IL10RB: variants seen among roughly 807,000 people sequenced by gnomAD.
IL10RB encodes the protein interleukin-10 receptor subunit beta.
In IL10RB, 30 loss-of-function variants were observed where a neutral mutation model predicts 38.7. The observed-to-expected ratio is 0.78, with a 90% CI of 0.58 to 1.05. The LOEUF is 1.05. IL10RB is among the 50% of genes least tolerant of loss of function. The pLI, the probability that IL10RB is intolerant of heterozygous loss-of-function variation, is 0.00. For synonymous variants in IL10RB, 142 were observed against 145.9 expected (o/e 0.97, Z 0.19); for missense variants, 328 against 397.1 (o/e 0.83, Z 1.48).
At chr21:33,295,013 A>T (rs1314258717) in intron 6 of IL10RB, among the ~76,000 whole-genome samples, 1 of 152,244 alleles carries the variant, frequency 6.6e-6, no homozygotes, top group Non-Finnish European at 1.5e-5. Context: ...GCTCTGTCTG[A>T]TAGAGCATAT....
chr21:33,279,225 A>G (rs1308452604), intron 3 of IL10RB, among the ~76,000 whole-genome samples: 2 of 152,222 alleles, frequency 1.3e-5, no homozygotes, highest in Non-Finnish European at 2.9e-5. Flanking sequence ...TATGAAGTGA[A>G]GGAGCCAGCC....
At position 33,296,649 on chromosome 21, in the gene IL10RB, T is replaced by G; in HGVS notation, c.*292T>G. The stretch of plus-strand genomic sequence containing the variant: ...TTATATCACTAAAATAAGATCATGT[T>G]TTAATTGTGAGAAACAGGGCCGAGC... On this transcript the variant is annotated 3_prime_UTR_variant, in exon 7 of 7. Transcript: ENST00000290200. 1 of 523,520 alleles carries G rather than the reference T, an allele frequency of 1.9e-6. No homozygotes were observed. Among genetic ancestry groups the G allele is most frequent in the Non-Finnish European group, 3.7e-6 (1 of 273,782 alleles). 32.4% of individuals were successfully genotyped at this position (523,520 alleles called of 1,614,324 possible). A position where few individuals can be genotyped will look rare whatever the true frequency, so the allele number is the denominator to read the frequency against.
intron 6 of IL10RB, among the ~76,000 whole-genome samples, chr21:33,292,677 A>G (rs955352074): frequency 6.6e-6 from 1 of 152,204 alleles, no homozygotes; most frequent in African/African-American, 2.4e-5. Flanking sequence ...TATCTGCTGC[A>G]GATGGCCCCG....
intron 1 of IL10RB, among the ~76,000 whole-genome samples, chr21:33,267,420 T>C (rs1384008191): frequency 6.6e-6 from 1 of 152,066 alleles, no homozygotes; most frequent in Non-Finnish European, 1.5e-5. Flanking sequence ...TGGTTTATTA[T>C]AGTCTTCTAC....
At chr21:33,270,411 C>T (rs1469629621) in intron 2 of IL10RB, among the ~76,000 whole-genome samples, 1 of 150,032 alleles carries the variant, frequency 6.7e-6, no homozygotes, top group African/African-American at 2.5e-5. Context: ...GACGGAGTCT[C>T]GCTCTGTTGC....
chr21:33,267,482 G>GTT (rs368499766), intron 1 of IL10RB, among the ~76,000 whole-genome samples: 11 of 124,672 alleles, frequency 8.8e-5, no homozygotes, highest in African/African-American at 2.8e-4. Context: ...TTCTTCTTCC[G>GTT]TTTTTTTTTT....
In IL10RB at chr21:33,296,610, T is replaced by G. The variant is rs528482502; in HGVS notation, c.*253T>G. The G allele has an allele frequency of 1.6e-5, 10 of 632,510 alleles. No homozygotes were observed. The highest frequency in any genetic ancestry group is 1.4e-4 in the South Asian group (9 of 66,062). 39.2% of individuals were successfully genotyped at this position (632,510 alleles called of 1,614,324 possible). A position where few individuals can be genotyped will look rare whatever the true frequency, so the allele number is the denominator to read the frequency against. On this transcript the variant is annotated 3_prime_UTR_variant, in exon 7 of 7. Transcript: ENST00000290200. Reference sequence around the variant, plus strand: ...TTTCAGAAGTTGGCCACTGAGAGTGTAATTTTCAGCCTTTTATATCACTAA... The same window carrying G: ...TTTCAGAAGTTGGCCACTGAGAGTGGAATTTTCAGCCTTTTATATCACTAA...
chr21:33,280,686 G>A (rs186309756), intron 4 of IL10RB, among the ~76,000 whole-genome samples: 1 of 152,122 alleles, frequency 6.6e-6, no homozygotes, highest in Non-Finnish European at 1.5e-5. Flanking sequence ...GCCATTCATG[G>A]TCCTAAACTG....
chr21:33,287,232 A>C (rs902160782), intron 5 of IL10RB, among the ~76,000 whole-genome samples: 4 of 152,224 alleles, frequency 2.6e-5, no homozygotes, highest in African/African-American at 9.6e-5. Flanking sequence ...GGGAAGAACA[A>C]ATGGTAAGTT....
chr21:33,302,222 A>G (rs1016307812), intron 1 of IL10RB, among the ~76,000 whole-genome samples: 1 of 152,216 alleles, frequency 6.6e-6, no homozygotes, highest in Non-Finnish European at 1.5e-5. Flanking sequence ...TAAAAACAAG[A>G]GGCTGGAGCT....
intron 6 of IL10RB, 88 bp downstream of exon 6, chr21:33,288,349 CAT>C (rs1989416470): frequency 8.8e-7 from 1 of 1,135,680 alleles, no homozygotes; most frequent in Non-Finnish European, 1.3e-6. Context: ...TTCCAGACAA[CAT>C]GTTTTCCAGG....
At chr21:33,300,395 C>T (rs1601841017), downstream of IL10RB, among the ~76,000 whole-genome samples, 2 of 149,702 alleles carry the variant, frequency 1.3e-5, no homozygotes, top group African/African-American at 2.5e-5. Flanking sequence ...GAGCCGAGAT[C>T]GTGCCACTGC....
intron 2 of IL10RB, among the ~76,000 whole-genome samples, chr21:33,272,158 C>A (rs1350488345): frequency 6.6e-6 from 1 of 152,194 alleles, no homozygotes; most frequent in Admixed American, 6.5e-5. Context: ...TGATCTCTAT[C>A]TACTTTTTGC....
Position 33,296,194 on chromosome 21 carries a change from AT to A in IL10RB, c.816del (p.Pro273LeufsTer23). ...LPQHLKEFLGHPHHNTLLFFS... is the reference protein window; with the variant it reads ...LPQHLKEFLGXPHHNTLLFFS... ...TCTTTCCCTCCACAGTTTTTGGGCCATCCTCATCATAACACACTTCTGTTTT... is the reference window on the plus strand; with the variant it reads ...TCTTTCCCTCCACAGTTTTTGGGCCACCTCATCATAACACACTTCTGTTTT... On this transcript the variant is annotated frameshift_variant, in exon 7 of 7. Transcript: ENST00000290200. LOFTEE classifies it high-confidence loss of function. The A allele has an allele frequency of 6.2e-7, 1 of 1,613,992 alleles. No individual in the cohort carries two copies. The highest frequency in any genetic ancestry group is 8.5e-7 in the Non-Finnish European group (1 of 1,179,818).
chr21:33,267,791 C>G (rs945492739), intron 1 of IL10RB: 1 of 162,664 alleles, frequency 6.1e-6, no homozygotes, highest in African/African-American at 2.4e-5. Context: ...GCTGGGATTA[C>G]AGGCGCGAGC....
chr21:33,300,470 CT>C (rs2082983134), downstream of IL10RB, among the ~76,000 whole-genome samples: 1 of 151,214 alleles, frequency 6.6e-6, no homozygotes, highest in South Asian at 2.1e-4. Context: ...AAACAAAAGC[CT>C]TCTTGGGATA....
chr21:33,306,557 G>T (rs1420757738), intron 1 of IL10RB, among the ~76,000 whole-genome samples: 4 of 152,096 alleles, frequency 2.6e-5, no homozygotes, highest in Admixed American at 6.5e-5. Flanking sequence ...TACATCATTG[G>T]GTTTTTGGGG....
chr21:33,303,023 A>T (rs2082989716), intron 1 of IL10RB, among the ~76,000 whole-genome samples: 2 of 152,100 alleles, frequency 1.3e-5, no homozygotes, highest in Non-Finnish European at 2.9e-5. Context: ...TCTTATGCAC[A>T]CCTGTGTTCC....
At position 33,296,703 on chromosome 21, in the gene IL10RB, C is replaced by A; in HGVS notation, c.*346C>A. 2 of 397,374 alleles carry A rather than the reference C, an allele frequency of 5.0e-6. No individual in the cohort carries two copies. The highest frequency in any genetic ancestry group is 1.9e-5 in the South Asian group (1 of 51,514). The allele number at this position is 397,374 out of a possible 1,614,324, so 24.6% of individuals were successfully genotyped here. ...GTGGCTCACGCCTGTAATACCAGCA[C>A]CTTAGAGGTCGAGGCAGGCGGATCA... On this transcript the variant is annotated 3_prime_UTR_variant, in exon 7 of 7. Coordinates refer to ENST00000290200, the MANE Select transcript of IL10RB (RefSeq NM_000628.5).
Sources: gnomAD v4.1 joint callset for allele counts (sites outside exome capture counted in the v4.1 genomes callset) on GRCh38, gnomAD v4.1.1 for gene constraint, MANE v1.5 for transcripts, NCBI Gene and HGNC (gene_info 2026-07-23, HGNC 2026-07-21) for gene names.